NCOA1: variants seen among roughly 807,000 people sequenced by gnomAD.
NCOA1 encodes the protein nuclear receptor coactivator 1, also known as Hin-2 protein.
Under a neutral mutation model 150.9 loss-of-function variants are expected in NCOA1, and 35 were observed. That is an observed-to-expected ratio of 0.23 (90% CI 0.18 to 0.31). The LOEUF (loss-of-function observed/expected upper bound fraction) is 0.31. Ranked by LOEUF, NCOA1 falls within the 10% of genes least tolerant of loss-of-function variation. The pLI, the probability that NCOA1 is intolerant of heterozygous loss-of-function variation, is 1.00. For missense variants in NCOA1, 1,491 were observed against 1,749.3 expected (o/e 0.85, Z 2.63); for synonymous variants, 590 against 630.0 (o/e 0.94, Z 0.95).
chr2:24,509,328 G>A (rs1663833767), intron 1 of NCOA1, among the ~76,000 whole-genome samples: 1 of 152,210 alleles, frequency 6.6e-6, no homozygotes, highest in South Asian at 2.1e-4. Flanking sequence ...CCAGTCTTGT[G>A]CTCATAATCA....
chr2:24,548,071 A>G (rs72805211), intron 1 of NCOA1, among the ~76,000 whole-genome samples: 8,021 of 151,892 alleles, frequency 0.053, 293 homozygotes, highest in East Asian at 0.19. Flanking sequence ...TGTTAAAAAA[A>G]GATATGAAAC....
At chr2:24,614,839 A>G (rs757044477) in intron 3 of NCOA1, among the ~76,000 whole-genome samples, 14 of 152,232 alleles carry the variant, frequency 9.2e-5, no homozygotes, top group Non-Finnish European at 1.6e-4. Context: ...GGTAACATAT[A>G]TTGTAAGCAT....
At chr2:24,543,600 T>C (rs1665487904) in intron 1 of NCOA1, among the ~76,000 whole-genome samples, 1 of 151,982 alleles carries the variant, frequency 6.6e-6, no homozygotes, top group Non-Finnish European at 1.5e-5. Context: ...CATAATTGAA[T>C]GTGAGCGTAG....
chr2:24,672,842 C>G (rs1267705851), intron 6 of NCOA1, among the ~76,000 whole-genome samples: 2 of 152,116 alleles, frequency 1.3e-5, no homozygotes, highest in Non-Finnish European at 2.9e-5. Context: ...TATGCAACAT[C>G]ACCTCACAAA....
chr2:24,635,167 C>T (rs945567084), intron 3 of NCOA1, among the ~76,000 whole-genome samples: 4 of 151,760 alleles, frequency 2.6e-5, no homozygotes, highest in Non-Finnish European at 5.9e-5. Flanking sequence ...ATTCTTCCCC[C>T]CATTCCTTCA....
chr2:24,642,037 T>TGTGCGC (rs942145000), intron 3 of NCOA1, among the ~76,000 whole-genome samples: 21 of 138,448 alleles, frequency 1.5e-4, no homozygotes, highest in African/African-American at 3.3e-4. Flanking sequence ...TGTGTGTGTG[T>TGTGCGC]GCGCGCGTGC....
chr2:24,690,513 G>C (rs998069840), intron 8 of NCOA1, among the ~76,000 whole-genome samples: 2 of 151,656 alleles, frequency 1.3e-5, no homozygotes, highest in African/African-American at 4.8e-5. Flanking sequence ...TTAGCCCAGC[G>C]TGGTGGCACA....
intron 1 of NCOA1, among the ~76,000 whole-genome samples, chr2:24,517,888 CA>C (rs1664270602): frequency 6.6e-6 from 1 of 152,108 alleles, no homozygotes. Flanking sequence ...ATAGTAATAG[CA>C]TCAGAATTTT....
At chr2:24,706,523 G>A in intron 12 of NCOA1, 45 bp from the exon 13 acceptor site, 1 of 1,519,976 alleles carries the variant, frequency 6.6e-7, no homozygotes, top group Non-Finnish European at 8.8e-7. Context: ...TATTTTAATA[G>A]AAACAAATGA....
At chr2:24,732,325 AAC>A (rs1558323265) in intron 17 of NCOA1, among the ~76,000 whole-genome samples, 2 of 152,188 alleles carry the variant, frequency 1.3e-5, no homozygotes, top group Non-Finnish European at 2.9e-5. Context: ...AAGTTGAAGA[AAC>A]ACAGAATTTG....
chr2:24,741,871 A>G lies in NCOA1; in HGVS notation c.3391A>G (p.Arg1131Gly). Residue 1131 changes from arginine (R) to glycine (G), a missense_variant, in exon 19 of 23, where the codon AGA (arginine) becomes GGA (glycine). Physicochemically the swap from Arg to Gly is moderately radical, Grantham distance 125. Around this residue, in one of 8 missense-constraint regions of NCOA1, gnomAD observed 485 missense variants for 522.8 expected, o/e 0.93. Coordinates refer to ENST00000348332, the MANE Select transcript of NCOA1 (RefSeq NM_003743.5). ...ACAGAGGCAGCTAATACAGCAGCAAAGAGCCATGCTTATGAGGCAGCAAAG... is the reference window on the plus strand; with the variant it reads ...ACAGAGGCAGCTAATACAGCAGCAAGGAGCCATGCTTATGAGGCAGCAAAG... The part of the protein sequence containing the change: ...HRQRQLIQQQ[R>G]AMLMRQQSFG... 6.2e-7 allele frequency: 1 copy of G among 1,614,264 alleles called. No individual in the cohort carries two copies. Among genetic ancestry groups the G allele is most frequent in the Non-Finnish European group, 8.5e-7 (1 of 1,180,048 alleles).
intron 11 of NCOA1, among the ~76,000 whole-genome samples, chr2:24,703,162 G>A (rs975394295): frequency 6.6e-6 from 1 of 152,182 alleles, no homozygotes; most frequent in Non-Finnish European, 1.5e-5. Context: ...TGAGTTGACT[G>A]AGATGGGTGA....
chr2:24,570,573 C>T (rs1033941106), intron 2 of NCOA1, among the ~76,000 whole-genome samples: 1 of 152,168 alleles, frequency 6.6e-6, no homozygotes, highest in South Asian at 2.1e-4. Context: ...AAAAACATCA[C>T]CATTTTCTAA....
chr2:24,763,616 CTTTT>C (rs1179539444), intron 22 of NCOA1, among the ~76,000 whole-genome samples: 18 of 85,304 alleles, frequency 2.1e-4, no homozygotes, highest in Admixed American at 3.9e-4. Flanking sequence ...GTCTCTCTCT[CTTTT>C]TTTTTTTTTT....
At chr2:24,642,137 A>G (rs1670259345) in intron 3 of NCOA1, among the ~76,000 whole-genome samples, 1 of 151,246 alleles carries the variant, frequency 6.6e-6, no homozygotes, top group Admixed American at 6.6e-5. Context: ...CAGACTGGGT[A>G]TTATTTTCAT....
chr2:24,688,709 C>T (rs1672525745), intron 8 of NCOA1, among the ~76,000 whole-genome samples: 1 of 152,152 alleles, frequency 6.6e-6, no homozygotes, highest in African/African-American at 2.4e-5. Flanking sequence ...TGCCTGTTTA[C>T]TCTCTTGACA....
At chr2:24,765,012 C>T (rs56239133) in intron 22 of NCOA1, among the ~76,000 whole-genome samples, 22,676 of 151,812 alleles carry the variant, frequency 0.15, 2,074 homozygotes, top group Non-Finnish European at 0.21. Context: ...AGAAACCCTG[C>T]CTAAAAATAC....
chr2:24,519,059 T>C (rs958186087), intron 1 of NCOA1, among the ~76,000 whole-genome samples: 57 of 152,248 alleles, frequency 3.7e-4, no homozygotes, highest in African/African-American at 1.3e-3. Context: ...CTTACACTAC[T>C]TATCTTCAAG....
At chr2:24,656,322 T>C (rs919525842) in intron 4 of NCOA1, among the ~76,000 whole-genome samples, 3 of 152,142 alleles carry the variant, frequency 2.0e-5, no homozygotes, top group African/African-American at 7.2e-5. Context: ...TTGTTTTGTT[T>C]TTGCTTTTAT....
Sources: allele counts gnomAD v4.1 joint callset (sites outside exome capture counted in the v4.1 genomes callset), GRCh38; gene constraint gnomAD v4.1.1; regional missense constraint gnomAD v4.1.1; transcripts MANE v1.5; gene names NCBI Gene and HGNC (gene_info 2026-07-23, HGNC 2026-07-21).